SMAP2: variants seen among roughly 807,000 people sequenced by gnomAD.
The protein encoded by SMAP2 is small ArfGAP2.
A neutral mutation model predicts 56.4 loss-of-function variants in SMAP2; 25 were observed. The observed-to-expected ratio is 0.44, with a 90% CI of 0.32 to 0.62. SMAP2 has a LOEUF of 0.62. Among genes scored for constraint, SMAP2 ranks in the 20% least tolerant of loss-of-function variants. The pLI, the probability that SMAP2 is intolerant of heterozygous loss-of-function variation, is 0.04. For synonymous variants in SMAP2, 157 were observed against 181.7 expected (o/e 0.86, Z 1.09); for missense variants, 388 against 545.6 (o/e 0.71, Z 2.88).
intron 1 of SMAP2, among the ~76,000 whole-genome samples, chr1:40,351,853 G>T (rs1644410503): frequency 6.6e-6 from 1 of 151,864 alleles, no homozygotes; most frequent in Non-Finnish European, 1.5e-5. Context: ...GGCCAGGCTG[G>T]TCTCGAACTC....
chr1:40,401,258 G>A (rs1040395809), intron 1 of SMAP2, among the ~76,000 whole-genome samples: 4 of 152,118 alleles, frequency 2.6e-5, no homozygotes, highest in Admixed American at 2.0e-4. Flanking sequence ...GCGAGATTCC[G>A]TCTCAAAACA....
At chr1:40,403,412 C>G (rs388250) in intron 1 of SMAP2, among the ~76,000 whole-genome samples, 137,413 of 152,238 alleles carry the variant, frequency 0.9, 62,192 homozygotes, top group East Asian at 0.97. Flanking sequence ...AGCTGAGGCA[C>G]GAGAGTTGCT....
chr1:40,399,762 T>C (rs956402847), intron 1 of SMAP2, among the ~76,000 whole-genome samples: 1 of 149,986 alleles, frequency 6.7e-6, no homozygotes, highest in Non-Finnish European at 1.5e-5. Context: ...AAATGAAAGT[T>C]CATAACCTTT....
intron 1 of SMAP2, among the ~76,000 whole-genome samples, chr1:40,388,247 C>G (rs111694426): frequency 6.6e-6 from 1 of 152,234 alleles, no homozygotes; most frequent in Admixed American, 6.5e-5. Flanking sequence ...GCGCACAGCG[C>G]GGGACTGGCG....
In SMAP2 at chr1:40,414,215, G is replaced by T; in HGVS notation, c.546G>T (p.Ala182=). 2 of 1,614,140 alleles carry T rather than the reference G, an allele frequency of 1.2e-6. No homozygotes were observed. Among genetic ancestry groups the T allele is most frequent in the Non-Finnish European group, 1.7e-6 (2 of 1,180,000 alleles). The change falls in exon 6 of 10, where the codon GCG becomes GCT. Residue 182 remains alanine, a synonymous_variant. Coordinates refer to ENST00000372718, the MANE Select transcript of SMAP2 (RefSeq NM_022733.3). ...GGAAAAGCTCCCCGAAATCCACAGC[G>T]CCTGTCATGGATTTGTTGGGCCTTG... ...LPRKSSPKST[A]PVMDLLGLDA...
chr1:40,356,442 G>A (rs1452187361), intron 1 of SMAP2, among the ~76,000 whole-genome samples: 38 of 143,200 alleles, frequency 2.7e-4, no homozygotes, highest in Non-Finnish European at 5.3e-4. Flanking sequence ...ACCAAGTCTC[G>A]CTCTGTCGCC....
chr1:40,385,244 CT>C lies in SMAP2; in HGVS notation c.103+11028del. On this transcript the variant is annotated intron_variant, in intron 1 of 9. Coordinates refer to ENST00000372718, the MANE Select transcript of SMAP2 (RefSeq NM_022733.3). The surrounding 1 kb of genome is among the most constrained non-coding windows in gnomAD (Gnocchi z 4.5). ...TAGTAGTAGAATTTTATTATTGTTG[CT>C]TTTTTTCATTTTCAATTAATGTTAA... Among the ~76,000 whole-genome samples the C allele has an allele frequency of 6.6e-6, 1 of 152,210 alleles. No individual in the cohort carries two copies. The highest frequency in any genetic ancestry group is 1.9e-4 in the East Asian group (1 of 5,188).
At chr1:40,384,604 G>C (rs748181492) in intron 1 of SMAP2, among the ~76,000 whole-genome samples, 4 of 152,202 alleles carry the variant, frequency 2.6e-5, no homozygotes, top group Non-Finnish European at 4.4e-5. Flanking sequence ...AGAGTTTTCA[G>C]TGCAGTGTGA....
In SMAP2 at chr1:40,393,513, A is replaced by G. The variant is rs770947500; in HGVS notation, c.104-13223A>G. The G allele has an allele frequency of 5.5e-5, 78 of 1,407,146 alleles. 1 individual carries two copies. In the South Asian group the frequency reaches 9.1e-4, roughly 16 times the overall value. The allele number at this position is 1,407,146 out of a possible 1,614,324, so 87.2% of individuals were successfully genotyped here. A position where few individuals can be genotyped will look rare whatever the true frequency, so the allele number is the denominator to read the frequency against. ...GCTATTTGTGAGAGACTGTAAGTTG[A>G]TCAACAAAGTGTAAGTAGTTCTTCT... is the stretch of plus-strand genomic sequence containing the variant. On this transcript the variant is annotated intron_variant, in intron 1 of 9. Coordinates refer to ENST00000372718, the MANE Select transcript of SMAP2 (RefSeq NM_022733.3).
At chr1:40,405,870 C>A (rs1644881309) in intron 1 of SMAP2, among the ~76,000 whole-genome samples, 1 of 152,084 alleles carries the variant, frequency 6.6e-6, no homozygotes, top group Non-Finnish European at 1.5e-5. Flanking sequence ...AATTAAAATT[C>A]ATATTTGAGA....
chr1:40,398,923 A>G (rs1429390303), intron 1 of SMAP2, among the ~76,000 whole-genome samples: 1 of 152,228 alleles, frequency 6.6e-6, no homozygotes, highest in Non-Finnish European at 1.5e-5. Context: ...CTTGTGGCAC[A>G]CATAGTTAAG....
At chr1:40,372,250 C>T (rs1372146589), upstream of SMAP2, among the ~76,000 whole-genome samples, 1 of 152,082 alleles carries the variant, frequency 6.6e-6, no homozygotes, top group Admixed American at 6.5e-5. Context: ...GTACAATCAC[C>T]ACTCACCGCA....
At position 40,415,717 on chromosome 1, in the gene SMAP2, G is replaced by A. The variant is rs565832276; in HGVS notation, c.681+336G>A. 2.0e-4 allele frequency among the ~76,000 whole-genome samples: 30 copies of A among 152,280 alleles called. 1 individual carries two copies. Among genetic ancestry groups the A allele is most frequent in the Admixed American group, 6.5e-4 (10 of 15,296 alleles). On this transcript the variant is annotated intron_variant, in intron 7 of 9. Transcript: ENST00000372718. ...TTGAAACCTTTAATGGCTACCATTC[G>A]TGAAACGCCTGCTATGTCTCAGGCA...
intron 1 of SMAP2, chr1:40,393,301 C>G: frequency 2.0e-6 from 3 of 1,508,372 alleles, no homozygotes; most frequent in Non-Finnish European, 2.6e-6. Flanking sequence ...AGCAACAAAC[C>G]CTATCTTAGA....
At chr1:40,358,575 G>A (rs1644446874) in intron 1 of SMAP2, among the ~76,000 whole-genome samples, 1 of 152,022 alleles carries the variant, frequency 6.6e-6, no homozygotes, top group African/African-American at 2.4e-5. Flanking sequence ...CACACACAAA[G>A]TGCTGGGATT....
In SMAP2 at chr1:40,412,527, T is replaced by A. The variant is rs563202155; in HGVS notation, c.403-489T>A. On this transcript the variant is annotated intron_variant, in intron 4 of 9. Transcript: ENST00000372718. The stretch of plus-strand genomic sequence containing the variant: ...TAAAACTTAATTTTTGTTCTTCTAA[T>A]CTGTAAACTTGAAATTAAGGTTTAT... Among the ~76,000 whole-genome samples, 7 of 152,340 alleles carry A rather than the reference T, an allele frequency of 4.6e-5. No individual in the cohort carries two copies. In the East Asian group the frequency reaches 1.3e-3, roughly 29 times the overall value.
chr1:40,400,415 C>G (rs1644820738), intron 1 of SMAP2, among the ~76,000 whole-genome samples: 1 of 152,090 alleles, frequency 6.6e-6, no homozygotes. Context: ...TTGGTTTGGG[C>G]TCAAGGGAGA....
chr1:40,356,748 C>T (rs916095861), intron 1 of SMAP2, among the ~76,000 whole-genome samples: 20 of 152,250 alleles, frequency 1.3e-4, no homozygotes, highest in African/African-American at 4.6e-4. Flanking sequence ...AAACTGTTCT[C>T]CATAGTGGTT....
At chr1:40,347,212 G>A (rs1310198771) in intron 1 of SMAP2, among the ~76,000 whole-genome samples, 1 of 140,372 alleles carries the variant, frequency 7.1e-6, no homozygotes, top group African/African-American at 2.8e-5. Flanking sequence ...TGGCTAATTT[G>A]TGTGTGTGTG....
Sources: gnomAD v4.1 joint callset for allele counts (sites outside exome capture counted in the v4.1 genomes callset) on GRCh38, gnomAD v4.1.1 for gene constraint, Gnocchi (gnomAD v3.1) non-coding constraint, MANE v1.5 for transcripts, NCBI Gene and HGNC (gene_info 2026-07-23, HGNC 2026-07-21) for gene names.